The following MTFR1 variants were observed in gnomAD, a reference collection of about 807,000 sequenced individuals.
MTFR1 encodes mitochondrial fission regulator 1.
A neutral mutation model predicts 38.8 loss-of-function variants in MTFR1; 28 were observed. The ratio of observed to expected loss-of-function variants is 0.72; its 90% confidence interval spans 0.53 to 0.99. The LOEUF (loss-of-function observed/expected upper bound fraction) is 0.99. MTFR1 is among the 50% of genes least tolerant of loss of function. The pLI is 0.00. For synonymous variants in MTFR1, 145 were observed against 137.0 expected (o/e 1.06, Z -0.41); for missense variants, 358 against 395.5 (o/e 0.91, Z 0.81).
intron 1 of MTFR1, among the ~76,000 whole-genome samples, chr8:65,660,567 T>A (rs780580034): frequency 6.6e-6 from 1 of 152,212 alleles, no homozygotes; most frequent in Middle Eastern, 3.2e-3. Flanking sequence ...CCCTCAGGCC[T>A]TCTCATCAGA....
chr8:65,681,651 A>G (rs1004137850), intron 2 of MTFR1, among the ~76,000 whole-genome samples: 3 of 146,460 alleles, frequency 2.0e-5, no homozygotes, highest in East Asian at 2.0e-4. Flanking sequence ...CATTCAACAC[A>G]TGTGCTTTTT....
chr8:65,744,021 T>C (rs940873340), intron 3 of MTFR1, among the ~76,000 whole-genome samples: 11 of 152,078 alleles, frequency 7.2e-5, no homozygotes, highest in African/African-American at 2.7e-4. Context: ...TTAGTAGAGA[T>C]GGGGTTTTGC....
At chr8:65,770,504 C>T (rs922328147) in intron 3 of MTFR1, among the ~76,000 whole-genome samples, 2 of 152,158 alleles carry the variant, frequency 1.3e-5, no homozygotes, top group African/African-American at 4.8e-5. Flanking sequence ...CAATTACCTC[C>T]CACTGGGCCC....
At chr8:65,654,515 C>G (rs1563432163) in intron 1 of MTFR1, among the ~76,000 whole-genome samples, 1 of 152,164 alleles carries the variant, frequency 6.6e-6, no homozygotes, top group Non-Finnish European at 1.5e-5. Context: ...CTTTCAAAAA[C>G]TAAACATCTT....
chr8:65,712,132 C>T (rs1273230094), downstream of MTFR1, among the ~76,000 whole-genome samples: 6 of 152,086 alleles, frequency 3.9e-5, no homozygotes, highest in African/African-American at 1.2e-4. Flanking sequence ...CACTTTTTAT[C>T]GAAAGGTGAA....
chr8:65,709,900 T>TAATA lies in MTFR1; in HGVS notation c.*857_*860dup. The TAATA allele has an allele frequency of 6.6e-6, 1 of 152,670 alleles. No homozygotes were observed. The allele number at this position is 152,670 out of a possible 1,614,324, so 9.5% of individuals were successfully genotyped here. A position where few individuals can be genotyped will look rare whatever the true frequency, so the allele number is the denominator to read the frequency against. ...AAGTTAATAGAGTTAAAAATTTTTT[T>TAATA]AATATAAGCCAAAATATTAACTTTA... On this transcript the variant is annotated 3_prime_UTR_variant, in exon 8 of 8. Coordinates refer to ENST00000262146, the MANE Select transcript of MTFR1 (RefSeq NM_014637.4).
intron 3 of MTFR1, among the ~76,000 whole-genome samples, chr8:65,688,291 T>C (rs1201745974): frequency 6.6e-6 from 1 of 150,838 alleles, no homozygotes; most frequent in Non-Finnish European, 1.5e-5. Context: ...TCCCAGCTAC[T>C]TGGGAGGCTG....
chr8:65,766,424 A>C (rs936434023), intron 3 of MTFR1, among the ~76,000 whole-genome samples: 3 of 152,234 alleles, frequency 2.0e-5, no homozygotes, highest in Non-Finnish European at 4.4e-5. Context: ...CAAAAGAGTG[A>C]AACTAAACAA....
At position 65,722,119 on chromosome 8, in the gene MTFR1, G is replaced by A. The variant is rs577480273; in HGVS notation, c.*48+2638G>A. On this transcript the variant is annotated intron_variant, in intron 3 of 3. Coordinates refer to the MTFR1 transcript ENST00000521247. ...TTGTCCATTTCTAATGTATTCTTTTGCATTTGAAGATTATTCTACTTGAGA... is the reference window on the plus strand; with the variant it reads ...TTGTCCATTTCTAATGTATTCTTTTACATTTGAAGATTATTCTACTTGAGA... 2.0e-5 allele frequency: 3 copies of A among 152,216 alleles called. No individual in the cohort carries two copies. In the East Asian group the frequency reaches 5.8e-4, roughly 29 times the overall value. The allele number at this position is 152,216 out of a possible 1,614,324, so 9.4% of individuals were successfully genotyped here.
intron 2 of MTFR1, chr8:65,718,171 C>G (rs541860747): frequency 6.6e-6 from 1 of 152,168 alleles, no homozygotes; most frequent in Admixed American, 6.6e-5. Flanking sequence ...TCCCCTCCCC[C>G]GAGTGTGGCT....
intron 1 of MTFR1, among the ~76,000 whole-genome samples, chr8:65,657,622 CG>C (rs1466246560): frequency 6.6e-6 from 1 of 151,616 alleles, no homozygotes; most frequent in African/African-American, 2.4e-5. Flanking sequence ...GAGAATCACT[CG>C]AGCCCCAGGA....
At chr8:65,703,520 G>A (rs1185793727) in intron 4 of MTFR1, among the ~76,000 whole-genome samples, 3 of 127,152 alleles carry the variant, frequency 2.4e-5, no homozygotes, top group African/African-American at 5.9e-5. Context: ...TGCAACTGCC[G>A]CCTCCCAGGT....
downstream of MTFR1, among the ~76,000 whole-genome samples, chr8:65,713,422 C>T (rs1256362138): frequency 7.5e-5 from 11 of 146,208 alleles, no homozygotes; most frequent in African/African-American, 2.3e-4. Flanking sequence ...GCCTGGGCAA[C>T]GGAGACTCCC....
At position 65,723,664 on chromosome 8, in the gene MTFR1, A is replaced by G. The variant is rs554780207; in HGVS notation, c.*48+4183A>G. On this transcript the variant is annotated intron_variant, in intron 3 of 3. Coordinates refer to the MTFR1 transcript ENST00000521247. Reference sequence around the variant, plus strand: ...AGAAGTATTAATATGAAGAATATCTATTGGTTAAATATATAATTAAAGGCT... The same window carrying G: ...AGAAGTATTAATATGAAGAATATCTGTTGGTTAAATATATAATTAAAGGCT... 8.9e-6 allele frequency: 12 copies of G among 1,341,464 alleles called. No homozygotes were observed. The South Asian group carries it at 1.0e-4, about 12-fold the overall frequency. The allele number at this position is 1,341,464 out of a possible 1,614,324, so 83.1% of individuals were successfully genotyped here.
chr8:65,736,733 G>C (rs373125952), intron 3 of MTFR1, among the ~76,000 whole-genome samples: 11 of 150,358 alleles, frequency 7.3e-5, no homozygotes, highest in African/African-American at 2.4e-4. Context: ...CTAGGTGACA[G>C]AGCAAGACTC....
At chr8:65,705,372 A>G (rs1019374464) in intron 5 of MTFR1, among the ~76,000 whole-genome samples, 1 of 152,172 alleles carries the variant, frequency 6.6e-6, no homozygotes, top group South Asian at 2.1e-4. Flanking sequence ...TCCTTTTTGC[A>G]TAGTCCAACA....
In MTFR1 at chr8:65,682,376, T is replaced by C. The variant is rs1804923093; in HGVS notation, c.90T>C (p.Tyr30=). 2.5e-6 allele frequency: 4 copies of C among 1,570,352 alleles called. No homozygotes were observed. Among genetic ancestry groups the C allele is most frequent in the Non-Finnish European group, 3.5e-6 (4 of 1,157,762 alleles). The change falls in exon 3 of 8, where the codon TAT becomes TAC. Residue 30 remains tyrosine (Y), a synonymous_variant. Coordinates refer to ENST00000262146, the MANE Select transcript of MTFR1 (RefSeq NM_014637.4). The part of the protein sequence containing the change: ...MQSVLWSRKP[Y]GSSRSIVRKI... Reference sequence around the variant, plus strand: ...AGGTACTTTGGTCTAGGAAGCCATATGGTTCGTCTCGAAGTATCGTAAGGA... The same window carrying C: ...AGGTACTTTGGTCTAGGAAGCCATACGGTTCGTCTCGAAGTATCGTAAGGA...
intron 3 of MTFR1, chr8:65,727,662 T>A (rs1227941884): frequency 5.9e-6 from 1 of 169,834 alleles, no homozygotes; most frequent in African/African-American, 2.4e-5. Flanking sequence ...TTTATTACTG[T>A]AGCCATTACT....
At chr8:65,644,336 G>A (rs1326251932), upstream of MTFR1, among the ~76,000 whole-genome samples, 1 of 152,146 alleles carries the variant, frequency 6.6e-6, no homozygotes, top group Non-Finnish European at 1.5e-5. Context: ...TCTGCCGGGT[G>A]GACACAGGTC....
Sources: allele counts gnomAD v4.1 joint callset (sites outside exome capture counted in the v4.1 genomes callset), GRCh38; gene constraint gnomAD v4.1.1; transcripts MANE v1.5; gene names NCBI Gene and HGNC (gene_info 2026-07-23, HGNC 2026-07-21).